Variants in MARCHF11 observed in about 807,000 individuals in gnomAD.
MARCHF11 encodes the protein membrane associated ring-CH-type finger 11.
A neutral mutation model predicts 37.3 loss-of-function variants in MARCHF11; 29 were observed. The ratio of observed to expected loss-of-function variants is 0.78; its 90% confidence interval spans 0.58 to 1.06. The LOEUF (loss-of-function observed/expected upper bound fraction) is 1.06. Among genes scored for constraint, MARCHF11 ranks in the 50% least tolerant of loss-of-function variants. The pLI, the probability that MARCHF11 is intolerant of heterozygous loss-of-function variation, is 0.00. For synonymous variants in MARCHF11, 233 were observed against 228.0 expected, an observed-to-expected ratio of 1.02 and a Z score of -0.20; for missense variants, 482 against 533.4, an observed-to-expected ratio of 0.90 and a Z score of 0.95.
At chr5:16,163,004 T>C (rs958027472) in intron 2 of MARCHF11, among the ~76,000 whole-genome samples, 4 of 152,154 alleles carry the variant, frequency 2.6e-5, no homozygotes, top group East Asian at 3.9e-4. Flanking sequence ...GGTCTGCATA[T>C]TGCCAAAGTC....
At chr5:16,174,968 C>T (rs1738332000) in intron 2 of MARCHF11, among the ~76,000 whole-genome samples, 1 of 152,160 alleles carries the variant, frequency 6.6e-6, no homozygotes. Flanking sequence ...CAAGGCTATG[C>T]CTTAAGAGAT....
At chr5:16,099,031 T>A (rs114232748) in intron 2 of MARCHF11, among the ~76,000 whole-genome samples, 3,880 of 152,298 alleles carry the variant, frequency 0.025, 167 homozygotes, top group African/African-American at 0.089. Context: ...TTGTTTCTAC[T>A]CTTTTGATGT....
intron 2 of MARCHF11, among the ~76,000 whole-genome samples, chr5:16,166,717 T>C (rs1738174825): frequency 6.6e-6 from 1 of 152,050 alleles, no homozygotes; most frequent in Non-Finnish European, 1.5e-5. Flanking sequence ...AAATGTATCA[T>C]CAATATAGAA....
intron 2 of MARCHF11, among the ~76,000 whole-genome samples, chr5:16,174,300 A>G (rs1738320279): frequency 6.6e-6 from 1 of 152,206 alleles, no homozygotes; most frequent in African/African-American, 2.4e-5. Flanking sequence ...TAGGAAGGTA[A>G]ATGCATTTTA....
intron 2 of MARCHF11, among the ~76,000 whole-genome samples, chr5:16,104,589 A>T (rs1484502821): frequency 6.6e-6 from 1 of 152,150 alleles, no homozygotes; most frequent in African/African-American, 2.4e-5. Context: ...CTTCAATCGT[A>T]AAATACTTGA....
intron 2 of MARCHF11, among the ~76,000 whole-genome samples, chr5:16,132,100 G>A (rs914061647): frequency 5.3e-5 from 8 of 152,244 alleles, no homozygotes; most frequent in African/African-American, 1.9e-4. Flanking sequence ...TGACTGTGGA[G>A]ACTGACCAGA....
intron 3 of MARCHF11, among the ~76,000 whole-genome samples, chr5:16,086,438 G>C (rs146621399): frequency 6.6e-6 from 1 of 152,122 alleles, no homozygotes; most frequent in Non-Finnish European, 1.5e-5. Flanking sequence ...TGGACAATTA[G>C]GAAAAATTTT....
At chr5:16,174,532 T>C (rs945828214) in intron 2 of MARCHF11, among the ~76,000 whole-genome samples, 6 of 152,230 alleles carry the variant, frequency 3.9e-5, no homozygotes, top group African/African-American at 1.4e-4. Context: ...CAGCGTGTTT[T>C]CCTCACACAC....
chr5:16,179,425 G>A lies in MARCHF11; in HGVS notation c.151C>T (p.Pro51Ser). 1 of 1,118,624 alleles carries A rather than the reference G, an allele frequency of 8.9e-7. No individual in the cohort carries two copies. Among genetic ancestry groups the A allele is most frequent in the Non-Finnish European group, 1.1e-6 (1 of 916,648 alleles). 69.3% of individuals were successfully genotyped at this position (1,118,624 alleles called of 1,614,324 possible). ...PVPAAPRYLP[P>S]LPASPETPER... ...GGGGTCTCGGGGGACGCGGGCAGCGGCGGCAGGTAGCGCGGGGCCGCGGGG... is the reference window on the plus strand; with the variant it reads ...GGGGTCTCGGGGGACGCGGGCAGCGACGGCAGGTAGCGCGGGGCCGCGGGG... Residue 51 changes from proline to serine, a missense_variant, in exon 1 of 4, where the codon CCG (proline) becomes TCG (serine). Pro to Ser is a moderately conservative substitution (Grantham distance 74). Transcript: ENST00000332432.
intron 2 of MARCHF11, among the ~76,000 whole-genome samples, chr5:16,148,989 T>C (rs187908773): frequency 3.1e-4 from 47 of 152,280 alleles, no homozygotes; most frequent in Non-Finnish European, 6.2e-4. Context: ...TGACTGGATT[T>C]AGAGGTGGAC....
intron 3 of MARCHF11, among the ~76,000 whole-genome samples, chr5:16,075,232 AT>A (rs1736497898): frequency 6.6e-6 from 1 of 152,202 alleles, no homozygotes; most frequent in Non-Finnish European, 1.5e-5. Context: ...ACTTCTGCTA[AT>A]TCTGTCTTCT....
At chr5:16,159,532 T>C (rs1275973772) in intron 2 of MARCHF11, among the ~76,000 whole-genome samples, 2 of 152,042 alleles carry the variant, frequency 1.3e-5, no homozygotes, top group Non-Finnish European at 2.9e-5. Flanking sequence ...TGAAACGATA[T>C]GCATGTGCTT....
chr5:16,080,460 T>C (rs1053343343), intron 3 of MARCHF11, among the ~76,000 whole-genome samples: 1 of 152,178 alleles, frequency 6.6e-6, no homozygotes, highest in East Asian at 1.9e-4. Flanking sequence ...AGTTCCAACC[T>C]CTAGCCTGAG....
At chr5:16,080,915 T>G (rs996390650) in intron 3 of MARCHF11, among the ~76,000 whole-genome samples, 3 of 152,168 alleles carry the variant, frequency 2.0e-5, no homozygotes, top group South Asian at 2.1e-4. Flanking sequence ...GAGCATTCAG[T>G]TTGGTCTCCC....
At position 16,160,293 on chromosome 5, in the gene MARCHF11, T is replaced by C. The variant is rs1010725580; in HGVS notation, c.693+17433A>G. On this transcript the variant is annotated intron_variant, in intron 2 of 3. Coordinates refer to ENST00000332432, the MANE Select transcript of MARCHF11 (RefSeq NM_001102562.3). ...ATTTATATTAAATATTTAATATTTATATTTATATATTTAATATTTAATATA... is the reference window on the plus strand; with the variant it reads ...ATTTATATTAAATATTTAATATTTACATTTATATATTTAATATTTAATATA... 3.8e-5 allele frequency among the ~76,000 whole-genome samples: 5 copies of C among 132,948 alleles called. 1 individual carries two copies. The highest frequency in any genetic ancestry group is 2.2e-4 in the East Asian group (1 of 4,576). The allele number at this position is 132,948 out of a possible 152,430, so 87.2% of individuals were successfully genotyped here. A position where few individuals can be genotyped will look rare whatever the true frequency, so the allele number is the denominator to read the frequency against.
chr5:16,100,356 TAAA>T (rs1736935137), intron 2 of MARCHF11, among the ~76,000 whole-genome samples: 1 of 151,898 alleles, frequency 6.6e-6, no homozygotes, highest in Non-Finnish European at 1.5e-5. Context: ...AGAACAAAGG[TAAA>T]ACTGGCCCAA....
intron 3 of MARCHF11, among the ~76,000 whole-genome samples, chr5:16,079,722 T>C (rs1736575639): frequency 6.6e-6 from 1 of 152,130 alleles, no homozygotes; most frequent in African/African-American, 2.4e-5. Flanking sequence ...TTTTCCCACA[T>C]TGTGCTTTTG....
intron 3 of MARCHF11, among the ~76,000 whole-genome samples, chr5:16,081,051 T>A (rs1239654259): frequency 3.3e-5 from 5 of 152,198 alleles, no homozygotes; most frequent in Non-Finnish European, 1.5e-5. Flanking sequence ...TTACTAGGTC[T>A]AGGCTTTTGC....
chr5:16,090,263 C>G (rs1340169631), intron 3 of MARCHF11, among the ~76,000 whole-genome samples: 1 of 152,124 alleles, frequency 6.6e-6, no homozygotes, highest in African/African-American at 2.4e-5. Flanking sequence ...TAGGGAACAA[C>G]AGATGGGTCA....
Sources: allele counts gnomAD v4.1 joint callset (sites outside exome capture counted in the v4.1 genomes callset), GRCh38; gene constraint gnomAD v4.1.1; transcripts MANE v1.5; gene names NCBI Gene and HGNC (gene_info 2026-07-23, HGNC 2026-07-21).